Variants in C1QTNF3 observed in about 807,000 individuals in gnomAD.
C1QTNF3 encodes complement C1q tumor necrosis factor-related protein 3.
A neutral mutation model predicts 32.6 loss-of-function variants in C1QTNF3; 26 were observed. The ratio of observed to expected loss-of-function variants is 0.80; its 90% CI spans 0.58 to 1.11. The LOEUF (loss-of-function observed/expected upper bound fraction) is 1.11. C1QTNF3 is among the 50% of genes least tolerant of loss of function. The probability of loss-of-function intolerance (pLI) is 0.00; values close to 1 mark genes in which losing one functional copy is unlikely to be tolerated. For synonymous variants in C1QTNF3, 155 were observed against 146.0 expected, an observed-to-expected ratio of 1.06 and a Z score of -0.44; for missense variants, 362 against 398.2, an observed-to-expected ratio of 0.91 and a Z score of 0.77.
At chr5:34,165,297 C>T in the C1QTNF3 span, 2 of 152,324 alleles carry the variant, frequency 1.3e-5, no homozygotes, top group South Asian at 4.2e-4. Context: ...ACAACCTATC[C>T]TGGAACTTCT....
chr5:34,067,756 GAGA>G, the C1QTNF3 span, among the ~76,000 whole-genome samples: 2 of 152,184 alleles, frequency 1.3e-5, no homozygotes, highest in African/African-American at 4.8e-5. Context: ...GAAAAAAGTG[GAGA>G]AGAATATGAA....
chr5:34,041,975 C>T (rs1046059474), intron 1 of C1QTNF3, among the ~76,000 whole-genome samples: 17 of 149,840 alleles, frequency 1.1e-4, no homozygotes, highest in Non-Finnish European at 1.5e-4. Flanking sequence ...CTCAAAGTAA[C>T]TCTTCTTGCC....
the C1QTNF3 span, among the ~76,000 whole-genome samples, chr5:34,097,069 T>C: frequency 1.2e-4 from 19 of 152,078 alleles, 1 homozygote; most frequent in Middle Eastern, 6.8e-3. Flanking sequence ...TATCTTTCTG[T>C]TTGGAAAATT....
chr5:34,114,066 G>T, the C1QTNF3 span, among the ~76,000 whole-genome samples: 3 of 152,056 alleles, frequency 2.0e-5, no homozygotes, highest in African/African-American at 7.2e-5. Context: ...TAATTCTTCA[G>T]AGAATAATTA....
the C1QTNF3 span, chr5:34,124,417 C>T: frequency 9.8e-6 from 7 of 716,120 alleles, no homozygotes; most frequent in South Asian, 8.9e-5. Flanking sequence ...CATAGTGATA[C>T]CTGCTTCTGG....
chr5:34,175,184 C>T, the C1QTNF3 span, among the ~76,000 whole-genome samples: 1 of 152,020 alleles, frequency 6.6e-6, no homozygotes, highest in Non-Finnish European at 1.5e-5. Flanking sequence ...GCTAGGACTA[C>T]AGGCACACAC....
At chr5:34,213,719 TATATATATACAC>T in the C1QTNF3 span, among the ~76,000 whole-genome samples, 14 of 140,802 alleles carry the variant, frequency 9.9e-5, no homozygotes, top group Non-Finnish European at 1.5e-4. Context: ...TATATATATG[TATATATATACAC>T]GTATATATAG....
At chr5:34,072,380 A>G in the C1QTNF3 span, among the ~76,000 whole-genome samples, 1 of 146,252 alleles carries the variant, frequency 6.8e-6, no homozygotes, top group Non-Finnish European at 1.5e-5. Context: ...AGAGAAAGAA[A>G]GAAAGAAAGA....
intron 2 of C1QTNF3, among the ~76,000 whole-genome samples, chr5:34,035,375 T>C (rs1228102852): frequency 6.6e-6 from 1 of 152,226 alleles, no homozygotes; most frequent in Non-Finnish European, 1.5e-5. Context: ...TTGAGATGGC[T>C]GTAGCCCAGA....
At chr5:34,147,091 C>T in the C1QTNF3 span, among the ~76,000 whole-genome samples, 1 of 152,040 alleles carries the variant, frequency 6.6e-6, no homozygotes, top group African/African-American at 2.4e-5. Flanking sequence ...ATCTATACCA[C>T]AATGAGATAC....
At position 34,020,257 on chromosome 5, in the gene C1QTNF3, C is replaced by G; in HGVS notation, c.*326G>C. ...GGTATTAAATTAAAAGCAGAGTAGT[C>G]AAAATTCTTTGCAAATGACTTCTGT... On this transcript the variant is annotated 3_prime_UTR_variant, in exon 6 of 6. Transcript: ENST00000382065. 1 of 216,578 alleles carries G rather than the reference C, an allele frequency of 4.6e-6. No homozygotes were observed. The highest frequency in any genetic ancestry group is 9.7e-5 in the South Asian group (1 of 10,346). The allele number at this position is 216,578 out of a possible 1,614,324, so 13.4% of individuals were successfully genotyped here. A position where few individuals can be genotyped will look rare whatever the true frequency, so the allele number is the denominator to read the frequency against.
chr5:34,085,147 C>G, the C1QTNF3 span, among the ~76,000 whole-genome samples: 6 of 149,826 alleles, frequency 4.0e-5, no homozygotes, highest in South Asian at 1.3e-3. Flanking sequence ...CCTGCCACTA[C>G]GCCCGGCTAA....
In C1QTNF3 at chr5:34,017,859, T is replaced by A. The variant is rs976042832; in HGVS notation, c.*2724A>T. ...TGGAAATTTAATCAAAGGAAATAATTATATGCACACATAGTTTATTTTTTT... is the reference window on the plus strand; with the variant it reads ...TGGAAATTTAATCAAAGGAAATAATAATATGCACACATAGTTTATTTTTTT... On this transcript the variant is annotated 3_prime_UTR_variant, in exon 6 of 6. Coordinates refer to ENST00000382065, the MANE Select transcript of C1QTNF3 (RefSeq NM_181435.6). Among the ~76,000 whole-genome samples, 1 of 152,074 alleles carries A rather than the reference T, an allele frequency of 6.6e-6. No homozygotes were observed. Among genetic ancestry groups the A allele is most frequent in the African/African-American group, 2.4e-5 (1 of 41,432 alleles).
chr5:34,128,633 T>C, the C1QTNF3 span, among the ~76,000 whole-genome samples: 1 of 152,200 alleles, frequency 6.6e-6, no homozygotes, highest in Admixed American at 6.5e-5. Flanking sequence ...AAGGAGATTA[T>C]TTCAGAGCTT....
the C1QTNF3 span, among the ~76,000 whole-genome samples, chr5:34,129,160 C>T: frequency 6.6e-6 from 1 of 152,192 alleles, no homozygotes; most frequent in Non-Finnish European, 1.5e-5. Flanking sequence ...TGGCTTGCTT[C>T]CCCTTTGTCT....
chr5:34,080,589 A>C, the C1QTNF3 span, among the ~76,000 whole-genome samples: 2 of 151,790 alleles, frequency 1.3e-5, no homozygotes, highest in Admixed American at 1.3e-4. Flanking sequence ...GATGAGACAT[A>C]AATAAATACA....
the C1QTNF3 span, among the ~76,000 whole-genome samples, chr5:34,230,434 T>C: frequency 3.3e-5 from 5 of 152,154 alleles, no homozygotes; most frequent in Admixed American, 6.5e-5. Context: ...TTCATGATGG[T>C]CAATGATATG....
At chr5:34,217,950 G>A in the C1QTNF3 span, among the ~76,000 whole-genome samples, 3 of 151,890 alleles carry the variant, frequency 2.0e-5, no homozygotes, top group African/African-American at 7.3e-5. Context: ...TACACACTAT[G>A]GCTAACAACA....
At chr5:34,205,185 TTAAC>T in the C1QTNF3 span, among the ~76,000 whole-genome samples, 1 of 151,120 alleles carries the variant, frequency 6.6e-6, no homozygotes, top group East Asian at 1.9e-4. Flanking sequence ...AAGTGAACAA[TTAAC>T]TAAATAGATG....
Sources: gnomAD v4.1 joint callset for allele counts (sites outside exome capture counted in the v4.1 genomes callset) on GRCh38, gnomAD v4.1.1 for gene constraint, MANE v1.5 for transcripts, NCBI Gene and HGNC (gene_info 2026-07-23, HGNC 2026-07-21) for gene names.